The following ADGRV1 variants were observed in gnomAD, a reference collection of about 807,000 sequenced individuals.
ADGRV1 encodes the protein G-protein coupled receptor 98.
A neutral mutation model predicts 596.2 loss-of-function variants in ADGRV1; 359 were observed. That is an observed-to-expected ratio of 0.60 (90% CI 0.55 to 0.66). ADGRV1 has a LOEUF of 0.66. Among genes scored for constraint, ADGRV1 ranks in the 30% least tolerant of loss-of-function variants. The pLI, the probability that ADGRV1 is intolerant of heterozygous loss-of-function variation, is 0.00. For missense variants in ADGRV1, 7,274 were observed against 7,575.6 expected (o/e 0.96, Z 1.48); for synonymous variants, 2,681 against 2,679.2 (o/e 1.00, Z -0.02).
intron 87 of ADGRV1, among the ~76,000 whole-genome samples, chr5:91,149,741 G>A (rs1253079060): frequency 4.2e-5 from 6 of 142,326 alleles, no homozygotes; most frequent in Non-Finnish European, 9.0e-5. Context: ...ACTGAGGCAG[G>A]AGAATCACTT....
rs770299827 is a variant in ADGRV1 at position 90,672,728 on chromosome 5, C to T, written c.4929+6C>T. 16 of 1,583,198 alleles carry T rather than the reference C, an allele frequency of 1.0e-5. No individual in the cohort carries two copies. In the Admixed American group the frequency reaches 1.8e-4, roughly 17 times the overall value. On this transcript the variant is annotated splice_donor_region_variant and intron_variant, in intron 22 of 89. Transcript: ENST00000405460. ...TTCCTTGGCAGAGATCAGAGGTAAA[C>T]CCTACCTTTTTTGTTCCTTTGAAAG...
intron 83 of ADGRV1, among the ~76,000 whole-genome samples, chr5:90,868,183 G>A (rs1768313611): frequency 6.6e-6 from 1 of 151,328 alleles, no homozygotes; most frequent in African/African-American, 2.4e-5. Flanking sequence ...AACATCTCTG[G>A]TTGTTGTTGT....
At position 90,790,912 on chromosome 5, in the gene ADGRV1, G is replaced by A. The variant is rs1177662928; in HGVS notation, c.14083G>A (p.Asp4695Asn). The A allele has an allele frequency of 6.2e-7, 1 of 1,611,492 alleles. No homozygotes were observed. The highest frequency in any genetic ancestry group is 1.1e-5 in the South Asian group (1 of 90,936). ...ELSSEFDITE[D>N]FLSTSGFFTI... ...AAGTAGTGAGTTTGACATTACTGAAGACTTTCTTTCCACCAGTGGATTTTT... is the reference window on the plus strand; with the variant it reads ...AAGTAGTGAGTTTGACATTACTGAAAACTTTCTTTCCACCAGTGGATTTTT... The change falls in exon 70 of 90, where the codon GAC (aspartate) becomes AAC (asparagine). Residue 4695 changes from aspartate to asparagine, a missense_variant. Coordinates refer to ENST00000405460, the MANE Select transcript of ADGRV1 (RefSeq NM_032119.4).
intron 9 of ADGRV1, among the ~76,000 whole-genome samples, chr5:90,631,625 C>T (rs923690506): frequency 3.3e-5 from 5 of 152,234 alleles, no homozygotes; most frequent in Admixed American, 6.5e-5. Context: ...GTGAGGATAA[C>T]TTACTCTCTG....
At position 90,617,964 on chromosome 5, in the gene ADGRV1, G is replaced by A. The variant is rs1763579113; in HGVS notation, c.357+11G>A. 6.5e-7 allele frequency: 1 copy of A among 1,526,872 alleles called. No homozygotes were observed. The highest frequency in any genetic ancestry group is 1.4e-5 in the African/African-American group (1 of 71,868). 94.6% of individuals were successfully genotyped at this position (1,526,872 alleles called of 1,614,324 possible). On this transcript the variant is annotated intron_variant, in intron 3 of 89. Transcript: ENST00000405460. ...CACTTAACATTACAGGTAAGTCCGT[G>A]TTTCCTCCTTATAAAAATTATAAGG...
At chr5:90,928,420 G>A (rs191321264) in intron 83 of ADGRV1, among the ~76,000 whole-genome samples, 8,834 of 150,582 alleles carry the variant, frequency 0.059, 412 homozygotes, top group East Asian at 0.22. Flanking sequence ...CCAGTTGATC[G>A]CATCGGCTCC....
At chr5:90,605,082 T>C (rs903259807) in intron 1 of ADGRV1, among the ~76,000 whole-genome samples, 9 of 152,222 alleles carry the variant, frequency 5.9e-5, no homozygotes, top group African/African-American at 2.2e-4. Flanking sequence ...CATGAGCTCA[T>C]GGAAAATGTC....
Position 91,163,933 on chromosome 5 carries a change from C to A in ADGRV1, c.*33C>A. 9.9e-7 allele frequency: 1 copy of A among 1,006,048 alleles called. No homozygotes were observed. The highest frequency in any genetic ancestry group is 1.6e-6 in the Non-Finnish European group (1 of 640,012). 62.3% of individuals were successfully genotyped at this position (1,006,048 alleles called of 1,614,324 possible). On this transcript the variant is annotated 3_prime_UTR_variant, in exon 90 of 90. Coordinates refer to ENST00000405460, the MANE Select transcript of ADGRV1 (RefSeq NM_032119.4). ...CTAACCATTCGACTGAGCACACTTT[C>A]ATATTTGTATCAGCTTTTGTGCTAA...
intron 82 of ADGRV1, among the ~76,000 whole-genome samples, chr5:90,861,454 T>C (rs1053264194): frequency 2.6e-4 from 39 of 151,858 alleles, no homozygotes; most frequent in Admixed American, 9.9e-4. Flanking sequence ...GGACTACAGG[T>C]GCGTGCCACC....
Position 91,090,901 on chromosome 5 carries a change from G to A in ADGRV1, c.18311-11318G>A, listed in dbSNP as rs562695325. On this transcript the variant is annotated intron_variant, in intron 86 of 89. Transcript: ENST00000405460. ...TGGCATGGGAGAGAGTAGAGTGGAT[G>A]GGATAGGATAGGATAGGATAGGAAT... Among the ~76,000 whole-genome samples the A allele has an allele frequency of 3.3e-5, 5 of 152,174 alleles. No individual in the cohort carries two copies. In the South Asian group the frequency reaches 1.0e-3, roughly 32 times the overall value.
chr5:90,875,623 C>T (rs1486298405), intron 83 of ADGRV1, among the ~76,000 whole-genome samples: 1 of 152,294 alleles, frequency 6.6e-6, no homozygotes, highest in African/African-American at 2.4e-5. Context: ...TGGAAACTAG[C>T]TTCCTGGGTC....
chr5:90,837,434 G>A (rs1269366996), intron 77 of ADGRV1, among the ~76,000 whole-genome samples: 3 of 148,904 alleles, frequency 2.0e-5, no homozygotes, highest in Non-Finnish European at 4.4e-5. Flanking sequence ...GCAATGGTGC[G>A]ATCTTGGCTC....
intron 52 of ADGRV1, among the ~76,000 whole-genome samples, chr5:90,746,577 A>T (rs1754653910): frequency 6.6e-6 from 1 of 152,190 alleles, no homozygotes; most frequent in South Asian, 2.1e-4. Flanking sequence ...ATACTCTACC[A>T]TGTCATTTTG....
intron 83 of ADGRV1, among the ~76,000 whole-genome samples, chr5:90,912,173 G>A (rs1186044275): frequency 6.6e-6 from 1 of 152,014 alleles, no homozygotes; most frequent in African/African-American, 2.4e-5. Flanking sequence ...GTTAGCAGGG[G>A]TATTTAAGGA....
At chr5:90,977,733 A>G (rs995849086) in intron 84 of ADGRV1, among the ~76,000 whole-genome samples, 1 of 152,202 alleles carries the variant, frequency 6.6e-6, no homozygotes, top group Non-Finnish European at 1.5e-5. Context: ...TTGTGTAGGA[A>G]TGTAAGTAAA....
chr5:90,687,260 G>C (rs1745794011), intron 29 of ADGRV1, among the ~76,000 whole-genome samples: 1 of 152,052 alleles, frequency 6.6e-6, no homozygotes, highest in South Asian at 2.1e-4. Context: ...CATTGCTTTT[G>C]GTGTTTTAGA....
chr5:91,004,481 A>T, intron 85 of ADGRV1, among the ~76,000 whole-genome samples: 1 of 152,006 alleles, frequency 6.6e-6, no homozygotes. Flanking sequence ...ATTTTTGGGG[A>T]ACGCTTAGGG....
intron 86 of ADGRV1, among the ~76,000 whole-genome samples, chr5:91,075,000 T>C (rs972368256): frequency 6.6e-6 from 1 of 152,216 alleles, no homozygotes; most frequent in Non-Finnish European, 1.5e-5. Flanking sequence ...AAAGTATCTG[T>C]TCATGTATTT....
At chr5:90,836,182 C>A (rs1187180169) in intron 77 of ADGRV1, among the ~76,000 whole-genome samples, 2 of 152,144 alleles carry the variant, frequency 1.3e-5, no homozygotes, top group Non-Finnish European at 2.9e-5. Context: ...GAAGTTTCTT[C>A]AAGAATTAAA....
Sources: allele counts gnomAD v4.1 joint callset (sites outside exome capture counted in the v4.1 genomes callset), GRCh38; gene constraint gnomAD v4.1.1; transcripts MANE v1.5; gene names NCBI Gene and HGNC (gene_info 2026-07-23, HGNC 2026-07-21).